The following GRIK4 variants were observed in gnomAD, a reference collection of about 807,000 sequenced individuals.
GRIK4 encodes glutamate receptor ionotropic, kainate 4.
GRIK4 carries 40 observed loss-of-function variants against 104.9 expected under a neutral mutation model. The ratio of observed to expected loss-of-function variants is 0.38; its 90% CI spans 0.30 to 0.50. The LOEUF is 0.50. Among genes scored for constraint, GRIK4 ranks in the 20% least tolerant of loss-of-function variants. The pLI is 0.93. For missense variants in GRIK4, 1,047 were observed against 1,308.1 expected (o/e 0.80, Z 3.08); for synonymous variants, 485 against 524.9 (o/e 0.92, Z 1.04).
intron 1 of GRIK4, among the ~76,000 whole-genome samples, chr11:120,598,457 C>G (rs570766599): frequency 2.6e-5 from 4 of 152,288 alleles, no homozygotes; most frequent in East Asian, 3.9e-4. Flanking sequence ...CTGCCCACCC[C>G]CTGAGGAGCC....
intron 3 of GRIK4, among the ~76,000 whole-genome samples, chr11:120,793,331 AG>A (rs1952437365): frequency 6.6e-6 from 1 of 151,984 alleles, no homozygotes; most frequent in Non-Finnish European, 1.5e-5. Flanking sequence ...ACAGCTGGTC[AG>A]GGTGGTCAGG....
chr11:120,686,163 TA>T (rs79851667), intron 3 of GRIK4, among the ~76,000 whole-genome samples: 1 of 151,836 alleles, frequency 6.6e-6, no homozygotes, highest in Non-Finnish European at 1.5e-5. Context: ...GTTAGTTTCT[TA>T]AAAAAAAGCA....
intron 1 of GRIK4, among the ~76,000 whole-genome samples, chr11:120,597,552 T>C (rs1948820294): frequency 6.6e-6 from 1 of 152,200 alleles, no homozygotes; most frequent in Non-Finnish European, 1.5e-5. Flanking sequence ...TTTCTCTAGC[T>C]GATTCTTTTT....
chr11:120,668,693 T>G (rs779980538), intron 3 of GRIK4, among the ~76,000 whole-genome samples: 49 of 152,116 alleles, frequency 3.2e-4, no homozygotes, highest in Non-Finnish European at 6.9e-4. Context: ...AACACTGGAG[T>G]TGGCTCCCGG....
At chr11:120,878,486 G>T (rs1954877427) in intron 11 of GRIK4, among the ~76,000 whole-genome samples, 1 of 152,188 alleles carries the variant, frequency 6.6e-6, no homozygotes, top group Non-Finnish European at 1.5e-5. Flanking sequence ...TTTTGAGCCA[G>T]TGTTGGATGG....
intron 12 of GRIK4, among the ~76,000 whole-genome samples, chr11:120,904,031 T>G (rs183097790): frequency 3.5e-4 from 54 of 152,292 alleles, no homozygotes; most frequent in Admixed American, 3.1e-3. Context: ...CTGTGTTGTC[T>G]TCTGTGATTG....
At chr11:120,934,317 G>C (rs1231127978) in intron 13 of GRIK4, among the ~76,000 whole-genome samples, 1 of 152,082 alleles carries the variant, frequency 6.6e-6, no homozygotes, top group Non-Finnish European at 1.5e-5. Context: ...GAAAAAGAAG[G>C]GAGGGAGATG....
chr11:120,893,557 G>C (rs906740261), intron 11 of GRIK4, among the ~76,000 whole-genome samples: 6 of 152,220 alleles, frequency 3.9e-5, no homozygotes, highest in African/African-American at 1.4e-4. Context: ...TGAATACAGT[G>C]GGGGTGGGAA....
intron 3 of GRIK4, among the ~76,000 whole-genome samples, chr11:120,669,205 AC>A (rs983285508): frequency 1.3e-5 from 2 of 151,630 alleles, no homozygotes; most frequent in Admixed American, 6.6e-5. Flanking sequence ...CTGGGCACTT[AC>A]CCCCCATTTC....
rs570787221 is a variant in GRIK4, at chr11:120,562,708, TG to T, written c.-159+50825del. Among the ~76,000 whole-genome samples, 62 of 152,216 alleles carry T rather than the reference TG, an allele frequency of 4.1e-4. 2 individuals carry two copies. In the South Asian group the frequency reaches 0.011, roughly 26 times the overall value. ...CAGGCTAAGGGTGCCAGGAAATGGC[TG>T]GGGAGATTTACACAAAAGGGAACAG... On this transcript the variant is annotated intron_variant, in intron 1 of 20. Coordinates refer to ENST00000527524, the MANE Select transcript of GRIK4 (RefSeq NM_014619.5).
chr11:120,971,498 A>G (rs1944474848), intron 19 of GRIK4, among the ~76,000 whole-genome samples: 2 of 152,218 alleles, frequency 1.3e-5, no homozygotes, highest in South Asian at 2.1e-4. Context: ...GTTGCAATGG[A>G]AAGTATTCAT....
At chr11:120,653,097 T>TCATG (rs1373944645) in intron 1 of GRIK4, among the ~76,000 whole-genome samples, 1 of 152,252 alleles carries the variant, frequency 6.6e-6, no homozygotes, top group Non-Finnish European at 1.5e-5. Context: ...ATTCATTCAT[T>TCATG]CATGCATGCA....
chr11:120,525,298 G>C (rs1290697250), intron 1 of GRIK4, among the ~76,000 whole-genome samples: 2 of 152,190 alleles, frequency 1.3e-5, no homozygotes, highest in Non-Finnish European at 2.9e-5. Flanking sequence ...CATGTGACTT[G>C]CAGAATCGAG....
At chr11:120,634,802 C>T (rs7105213) in intron 1 of GRIK4, among the ~76,000 whole-genome samples, 89,292 of 151,958 alleles carry the variant, frequency 0.59, 28,378 homozygotes, top group African/African-American at 0.85. Context: ...CCAGGGCTTC[C>T]CTTCCTCCTC....
intron 3 of GRIK4, among the ~76,000 whole-genome samples, chr11:120,760,360 G>A (rs949252849): frequency 1.4e-5 from 2 of 146,120 alleles, no homozygotes; most frequent in African/African-American, 5.0e-5. Context: ...ACACACAATG[G>A]AATATTTTAT....
At chr11:120,572,283 A>G (rs957186301) in intron 1 of GRIK4, among the ~76,000 whole-genome samples, 102 of 152,116 alleles carry the variant, frequency 6.7e-4, no homozygotes, top group African/African-American at 2.4e-3. Flanking sequence ...AAGACGTTCA[A>G]CACCGGAATT....
intron 12 of GRIK4, among the ~76,000 whole-genome samples, chr11:120,904,306 A>AG (rs1942816587): frequency 6.6e-6 from 1 of 152,154 alleles, no homozygotes; most frequent in Non-Finnish European, 1.5e-5. Flanking sequence ...ATTCGAGCCC[A>AG]TCATGACACC....
chr11:120,811,952 A>G (rs2135527874), intron 4 of GRIK4, among the ~76,000 whole-genome samples: 1 of 152,318 alleles, frequency 6.6e-6, no homozygotes, highest in Non-Finnish European at 1.5e-5. Flanking sequence ...TGGAGGACAC[A>G]GACATAAATA....
intron 1 of GRIK4, among the ~76,000 whole-genome samples, chr11:120,593,707 CATCT>C (rs1448043515): frequency 9.2e-5 from 14 of 152,304 alleles, no homozygotes; most frequent in Admixed American, 6.5e-4. Flanking sequence ...CTAGCAGTTC[CATCT>C]ATCTATCTAC....
Sources: allele counts gnomAD v4.1 joint callset (sites outside exome capture counted in the v4.1 genomes callset), GRCh38; gene constraint gnomAD v4.1.1; transcripts MANE v1.5; gene names NCBI Gene and HGNC (gene_info 2026-07-23, HGNC 2026-07-21).